FERMT1: variants seen among roughly 807,000 people sequenced by gnomAD.
The protein encoded by FERMT1 is fermitin family homolog 1.
A neutral mutation model predicts 85.3 loss-of-function variants in FERMT1; 60 were observed. The ratio of observed to expected loss-of-function variants is 0.70; its 90% CI spans 0.57 to 0.87. The LOEUF is 0.87. Among genes scored for constraint, FERMT1 ranks in the 40% least tolerant of loss-of-function variants. The pLI is 0.00. For missense variants in FERMT1, 701 were observed against 818.9 expected (o/e 0.86, Z 1.76); for synonymous variants, 275 against 301.1 (o/e 0.91, Z 0.90).
At position 6,081,006 on chromosome 20, in the gene FERMT1, G is replaced by A. The variant is rs560921823; in HGVS notation, c.1719-1429C>T. ...GGAATGCTTTAAGAACTGAGGCCTG[G>A]CTGGGTGCAGTGATTCACATCTGAA... On this transcript the variant is annotated intron_variant, in intron 13 of 14. Transcript: ENST00000217289. Among the ~76,000 whole-genome samples the A allele has an allele frequency of 5.9e-5, 9 of 152,292 alleles. No individual in the cohort carries two copies. The East Asian group carries it at 1.7e-3, about 29-fold the overall frequency.
chr20:6,087,863 C>T lies in FERMT1; in HGVS notation c.1285G>A (p.Val429Ile), dbSNP rs755896917. Residue 429 changes from valine to isoleucine, a missense_variant, in exon 11 of 15, where the codon GTA becomes ATA. Val to Ile is a conservative substitution (Grantham distance 29). Coordinates refer to ENST00000217289, the MANE Select transcript of FERMT1 (RefSeq NM_017671.5). Reference sequence around the variant, plus strand: ...CCAAATTTTCTTCCTGCTACATTTACATCGGGCACAACTTCGCAGCCTGAA... The same window carrying T: ...CCAAATTTTCTTCCTGCTACATTTATATCGGGCACAACTTCGCAGCCTGAA... ...NLRGCEVVPD[V>I]NVAGRKFGIK... is the part of the protein sequence containing the mutation. 2.5e-6 allele frequency: 4 copies of T among 1,609,046 alleles called. No homozygotes were observed. Among genetic ancestry groups the T allele is most frequent in the Non-Finnish European group, 3.4e-6 (4 of 1,175,574 alleles).
chr20:6,100,233 T>C (rs2123123635), intron 6 of FERMT1, among the ~76,000 whole-genome samples: 1 of 152,166 alleles, frequency 6.6e-6, no homozygotes, highest in African/African-American at 2.4e-5. Context: ...GTAGTATACA[T>C]AAACAAGGAA....
rs1059391 is a variant in FERMT1, at chr20:6,075,709, G to A, written c.*1464C>T. 0.24 allele frequency: 36,595 copies of A among 152,224 alleles called. 4,886 individuals carry two copies. Among genetic ancestry groups the A allele is most frequent in the East Asian group, 0.56 (2,975 of 5,298 alleles). The allele number at this position is 152,224 out of a possible 1,614,324, so 9.4% of individuals were successfully genotyped here. A position where few individuals can be genotyped will look rare whatever the true frequency, so the allele number is the denominator to read the frequency against. ...AATAAAGCAACAGCTGACGCTCACG[G>A]GCCTCGGAACTCTGGCCAGGCTCCC... is the stretch of plus-strand genomic sequence containing the variant. On this transcript the variant is annotated 3_prime_UTR_variant, in exon 15 of 15. Transcript: ENST00000217289.
In FERMT1 at chr20:6,087,915, T is replaced by C. The variant is rs762595060; in HGVS notation, c.1265-32A>G. ...GACAAAGATCAGAGACAAAACTGAG[T>C]TCTGAGGCATCTGTTAGATAAACAT... On this transcript the variant is annotated intron_variant, in intron 10 of 14. Transcript: ENST00000217289. 3.4e-6 allele frequency: 4 copies of C among 1,162,418 alleles called. No homozygotes were observed. In the African/African-American group the frequency reaches 6.0e-5, roughly 18 times the overall value. 72.0% of individuals were successfully genotyped at this position (1,162,418 alleles called of 1,614,324 possible).
rs777238416 is a variant in FERMT1 at position 6,096,924 on chromosome 20, C to T, written c.1067G>A (p.Gly356Asp). The T allele has an allele frequency of 6.2e-7, 1 of 1,613,554 alleles. No individual in the cohort carries two copies. The highest frequency in any genetic ancestry group is 8.5e-7 in the Non-Finnish European group (1 of 1,179,776). ...ALSNLEVTLE[G>D]GKADSLLEDI... is the part of the protein sequence containing the mutation. Reference sequence around the variant, plus strand: ...TACCAAAAGGCTGTCCGCTTTTCCACCTTCTAGGGTTACTTCCAAATTAGA... The same window carrying T: ...TACCAAAAGGCTGTCCGCTTTTCCATCTTCTAGGGTTACTTCCAAATTAGA... The change falls in exon 8 of 15, where the codon GGT becomes GAT. Residue 356 changes from glycine (G) to aspartate (D), a missense_variant. Coordinates refer to ENST00000217289, the MANE Select transcript of FERMT1 (RefSeq NM_017671.5).
chr20:6,105,248 A>G (rs747801864), intron 6 of FERMT1, among the ~76,000 whole-genome samples: 1 of 152,318 alleles, frequency 6.6e-6, no homozygotes, highest in Non-Finnish European at 1.5e-5. Context: ...GACCGAGAGT[A>G]GAGAAAAGCT....
At chr20:6,083,897 A>G in intron 13 of FERMT1, 143 bp downstream of exon 13, 1 of 933,188 alleles carries the variant, frequency 1.1e-6, no homozygotes. Context: ...GAGCAGCCCA[A>G]AGTGTCAGGA....
chr20:6,106,926 G>A (rs574560891), intron 6 of FERMT1, among the ~76,000 whole-genome samples: 2 of 152,078 alleles, frequency 1.3e-5, no homozygotes, highest in Admixed American at 6.6e-5. Context: ...GGCCAGATGC[G>A]ATGGCTCATG....
intron 7 of FERMT1, 98 bp downstream of exon 7, chr20:6,097,426 C>G (rs1982536737): frequency 1.1e-6 from 1 of 875,164 alleles, no homozygotes; most frequent in Non-Finnish European, 1.9e-6. Flanking sequence ...GATATTTCTT[C>G]AAAGAACAAA....
At chr20:6,116,579 T>G (rs1232072142) in intron 2 of FERMT1, among the ~76,000 whole-genome samples, 1 of 151,738 alleles carries the variant, frequency 6.6e-6, no homozygotes, top group Non-Finnish European at 1.5e-5. Context: ...AATACAAAAA[T>G]TAGCCAGGTG....
rs1326818748 is a variant in FERMT1, at chr20:6,075,273, G to C, written c.*1900C>G. The C allele has an allele frequency of 6.6e-6, 1 of 152,194 alleles. No homozygotes were observed. Among genetic ancestry groups the C allele is most frequent in the East Asian group, 1.9e-4 (1 of 5,328 alleles). 9.4% of individuals were successfully genotyped at this position (152,194 alleles called of 1,614,324 possible). ...GCAGAGATGTTCTCAGCAGCAAACA[G>C]GTAAAATCTGACATCGAGAAGCATT... On this transcript the variant is annotated 3_prime_UTR_variant, in exon 15 of 15. Coordinates refer to ENST00000217289, the MANE Select transcript of FERMT1 (RefSeq NM_017671.5).
Position 6,104,022 on chromosome 20 carries a change from C to T in FERMT1, c.849+3510G>A, listed in dbSNP as rs902221921. ...AGTAGCTGGGATTGCAGGCACATGC[C>T]ATCATGCCTGGCTAATTTTTGTATT... On this transcript the variant is annotated intron_variant, in intron 6 of 14. Coordinates refer to ENST00000217289, the MANE Select transcript of FERMT1 (RefSeq NM_017671.5). The surrounding 1 kb of genome is among the most constrained non-coding windows in gnomAD (Gnocchi z 4.2). 6.6e-6 allele frequency among the ~76,000 whole-genome samples: 1 copy of T among 151,950 alleles called. No homozygotes were observed. The highest frequency in any genetic ancestry group is 1.5e-5 in the Non-Finnish European group (1 of 67,996).
chr20:6,102,261 AC>A (rs1430742696), intron 6 of FERMT1, among the ~76,000 whole-genome samples: 4 of 151,944 alleles, frequency 2.6e-5, no homozygotes. Flanking sequence ...ATCCTATAGG[AC>A]TTCCCCCCAA....
Position 6,076,962 on chromosome 20 carries a change from A to T in FERMT1, c.*211T>A. Reference sequence around the variant, plus strand: ...CCTGCCTACCCATTTTATAGAAAAAACAAGAGAGGCTCCTTCCGTGGCTGG... The same window carrying T: ...CCTGCCTACCCATTTTATAGAAAAATCAAGAGAGGCTCCTTCCGTGGCTGG... On this transcript the variant is annotated 3_prime_UTR_variant, in exon 15 of 15. Transcript: ENST00000217289. 6 of 592,788 alleles carry T rather than the reference A, an allele frequency of 1.0e-5. No individual in the cohort carries two copies. Among genetic ancestry groups the T allele is most frequent in the Non-Finnish European group, 1.8e-5 (6 of 333,308 alleles). The allele number at this position is 592,788 out of a possible 1,614,324, so 36.7% of individuals were successfully genotyped here.
chr20:6,118,318 G>C (rs1039510073), intron 2 of FERMT1, among the ~76,000 whole-genome samples: 1 of 151,484 alleles, frequency 6.6e-6, no homozygotes, highest in Non-Finnish European at 1.5e-5. Context: ...TTTGTATAAA[G>C]TTCAAAATCA....
intron 3 of FERMT1, among the ~76,000 whole-genome samples, chr20:6,115,102 C>T (rs1390714318): frequency 6.6e-6 from 1 of 152,102 alleles, no homozygotes; most frequent in Non-Finnish European, 1.5e-5. Context: ...CTATATATCA[C>T]TATATATTAT....
At chr20:6,095,192 G>C (rs1216339022) in intron 8 of FERMT1, among the ~76,000 whole-genome samples, 3 of 152,184 alleles carry the variant, frequency 2.0e-5, no homozygotes, top group Non-Finnish European at 2.9e-5. Context: ...GAGTAAGGAG[G>C]ATTGGGAGGA....
intron 7 of FERMT1, 125 bp from the exon 8 acceptor site, chr20:6,097,158 G>A (rs1982527340): frequency 1.0e-6 from 1 of 972,794 alleles, no homozygotes; most frequent in South Asian, 1.3e-5. Flanking sequence ...CCTAAACAGA[G>A]GTCTCCTTCC....
chr20:6,096,228 G>A (rs977792116), intron 8 of FERMT1, among the ~76,000 whole-genome samples: 7 of 152,124 alleles, frequency 4.6e-5, no homozygotes, highest in Non-Finnish European at 7.3e-5. Context: ...GGTTTTTATC[G>A]GTAAAGAATT....
Sources: gnomAD v4.1 joint callset for allele counts (sites outside exome capture counted in the v4.1 genomes callset) on GRCh38, gnomAD v4.1.1 for gene constraint, Gnocchi (gnomAD v3.1) non-coding constraint, MANE v1.5 for transcripts, NCBI Gene and HGNC (gene_info 2026-07-23, HGNC 2026-07-21) for gene names.